Variants in SPIDR observed in about 807,000 individuals in gnomAD.
SPIDR encodes DNA repair-scaffolding protein.
A neutral mutation model predicts 104.6 loss-of-function variants in SPIDR; 93 were observed. The ratio of observed to expected loss-of-function variants is 0.89; its 90% CI spans 0.75 to 1.06. SPIDR has a LOEUF of 1.06. Ranked by LOEUF, SPIDR falls within the 50% of genes least tolerant of loss-of-function variation. The probability of loss-of-function intolerance (pLI) is 0.00; values close to 1 mark genes in which losing one functional copy is unlikely to be tolerated. For synonymous variants in SPIDR, 431 were observed against 416.9 expected (o/e 1.03, Z -0.41); for missense variants, 1,154 against 1,111.2 (o/e 1.04, Z -0.55).
chr8:47,315,773 A>C (rs1264364445), intron 5 of SPIDR, among the ~76,000 whole-genome samples: 1 of 152,190 alleles, frequency 6.6e-6, no homozygotes, highest in Non-Finnish European at 1.5e-5. Flanking sequence ...AAAGGCTTTT[A>C]AATAAAAAGT....
chr8:47,587,315 C>G (rs910833260), intron 8 of SPIDR, among the ~76,000 whole-genome samples: 3 of 152,118 alleles, frequency 2.0e-5, no homozygotes, highest in Non-Finnish European at 4.4e-5. Context: ...TGCCTTGGCA[C>G]TTTTGTCAAA....
chr8:47,710,470 CTTT>C (rs879756213), intron 14 of SPIDR, among the ~76,000 whole-genome samples: 1 of 142,890 alleles, frequency 7.0e-6, no homozygotes, highest in Admixed American at 7.0e-5. Context: ...AAATATTCAC[CTTT>C]TTTTTTTTTT....
At chr8:47,410,621 CAT>C (rs2063378948) in intron 7 of SPIDR, among the ~76,000 whole-genome samples, 3 of 151,824 alleles carry the variant, frequency 2.0e-5, no homozygotes, top group South Asian at 4.2e-4. Context: ...GCCAGGCAAA[CAT>C]AAAGTTTGCC....
chr8:47,479,337 C>CA (rs2076625603), intron 8 of SPIDR, among the ~76,000 whole-genome samples: 1 of 141,172 alleles, frequency 7.1e-6, no homozygotes, highest in Admixed American at 7.3e-5. Flanking sequence ...CCAGCCTGGG[C>CA]AACAGAGTGA....
intron 19 of SPIDR, 95 bp from the exon 20 acceptor site, chr8:47,735,212 A>AG: frequency 3.3e-6 from 4 of 1,204,270 alleles, no homozygotes; most frequent in Non-Finnish European, 3.7e-6. Flanking sequence ...GACTGGGGAA[A>AG]GGGCCTTCCA....
chr8:47,701,865 G>T lies in SPIDR; in HGVS notation c.1917+1G>T. 6.2e-7 allele frequency: 1 copy of T among 1,614,088 alleles called. No homozygotes were observed. Among genetic ancestry groups the T allele is most frequent in the Non-Finnish European group, 8.5e-7 (1 of 1,180,030 alleles). The stretch of plus-strand genomic sequence containing the variant: ...CCGCTGCTTAAGAGACATTCTCCAG[G>T]TAATGTCTTTGTTTCTAACAGGTTT... On this transcript the variant is annotated splice_donor_variant, in intron 13 of 19. Transcript: ENST00000297423. LOFTEE classifies it high-confidence loss of function.
rs369034359 is a variant in SPIDR, at chr8:47,502,732, G to T, written c.1097+62190G>T. Among the ~76,000 whole-genome samples the T allele has an allele frequency of 2.9e-3, 441 of 152,244 alleles. 1 individual carries two copies. The highest frequency in any genetic ancestry group is 4.6e-3 in the Non-Finnish European group (310 of 68,014). The stretch of plus-strand genomic sequence containing the variant: ...TAGTTCTTTTAATTTTGATGTTAGG[G>T]TGTCAATTTTAGATCTTTCCTGCTT... On this transcript the variant is annotated intron_variant, in intron 8 of 19. Transcript: ENST00000297423.
intron 8 of SPIDR, among the ~76,000 whole-genome samples, chr8:47,552,832 G>A (rs1394014336): frequency 2.6e-5 from 4 of 152,204 alleles, no homozygotes; most frequent in Non-Finnish European, 4.4e-5. Context: ...TTGCTCATTA[G>A]TTGATGCAGT....
chr8:47,571,994 A>G (rs939872815), intron 8 of SPIDR, among the ~76,000 whole-genome samples: 7 of 152,200 alleles, frequency 4.6e-5, no homozygotes, highest in Non-Finnish European at 1.0e-4. Flanking sequence ...TAATAGATCA[A>G]GCTTACTTTT....
chr8:47,322,346 A>T, intron 5 of SPIDR, among the ~76,000 whole-genome samples: 1 of 152,252 alleles, frequency 6.6e-6, no homozygotes, highest in East Asian at 1.9e-4. Flanking sequence ...GATGCTCATC[A>T]TCCCTGGCCA....
chr8:47,584,961 T>C (rs2060114272), intron 8 of SPIDR, among the ~76,000 whole-genome samples: 1 of 152,192 alleles, frequency 6.6e-6, no homozygotes, highest in African/African-American at 2.4e-5. Flanking sequence ...GGCTATTGGC[T>C]TAAAATAATA....
intron 8 of SPIDR, among the ~76,000 whole-genome samples, chr8:47,516,032 A>G (rs541610929): frequency 1.3e-5 from 2 of 152,314 alleles, no homozygotes; most frequent in East Asian, 3.9e-4. Context: ...GATGGTCTCG[A>G]TCTCCTGACC....
At chr8:47,299,875 G>T (rs1260357020) in intron 5 of SPIDR, among the ~76,000 whole-genome samples, 1 of 152,124 alleles carries the variant, frequency 6.6e-6, no homozygotes, top group African/African-American at 2.4e-5. Context: ...GAGGATTTTT[G>T]CATCGATGTT....
At chr8:47,531,074 A>G (rs1054487821) in intron 8 of SPIDR, among the ~76,000 whole-genome samples, 5 of 151,986 alleles carry the variant, frequency 3.3e-5, no homozygotes, top group African/African-American at 1.2e-4. Flanking sequence ...ATGCCCAGCT[A>G]TTTTTTAAAA....
intron 8 of SPIDR, among the ~76,000 whole-genome samples, chr8:47,488,962 C>T (rs2078182815): frequency 6.6e-6 from 1 of 152,174 alleles, no homozygotes; most frequent in Non-Finnish European, 1.5e-5. Context: ...TGCCCTCTCT[C>T]ACCACTCCTA....
chr8:47,490,697 G>A (rs1288335704), intron 8 of SPIDR, among the ~76,000 whole-genome samples: 1 of 152,116 alleles, frequency 6.6e-6, no homozygotes, highest in Non-Finnish European at 1.5e-5. Context: ...TCCTTTGTAG[G>A]GACATGGGTG....
chr8:47,387,357 G>A (rs540369305), intron 5 of SPIDR, among the ~76,000 whole-genome samples: 2 of 152,240 alleles, frequency 1.3e-5, no homozygotes, highest in South Asian at 4.2e-4. Flanking sequence ...TAAGAGCATG[G>A]AATGCTCTGA....
chr8:47,730,593 T>A (rs1317166866), intron 19 of SPIDR, among the ~76,000 whole-genome samples: 4 of 152,202 alleles, frequency 2.6e-5, no homozygotes, highest in Non-Finnish European at 4.4e-5. Flanking sequence ...AGCCAGAATT[T>A]TTTTTTAGGC....
intron 8 of SPIDR, among the ~76,000 whole-genome samples, chr8:47,458,289 G>A (rs185301722): frequency 9.6e-4 from 144 of 149,778 alleles, no homozygotes; most frequent in South Asian, 3.4e-3. Context: ...TCCTTGCAGA[G>A]GCCTTTTACC....
Sources: gnomAD v4.1 joint callset for allele counts (sites outside exome capture counted in the v4.1 genomes callset) on GRCh38, gnomAD v4.1.1 for gene constraint, MANE v1.5 for transcripts, NCBI Gene and HGNC (gene_info 2026-07-23, HGNC 2026-07-21) for gene names.